The following CNTNAP2 variants were observed in gnomAD, a reference collection of about 807,000 sequenced individuals.
CNTNAP2 encodes contactin associated protein 2.
In CNTNAP2, 98 loss-of-function variants were observed where a neutral mutation model predicts 155.2. The observed-to-expected ratio is 0.63, with a 90% CI of 0.54 to 0.75. CNTNAP2 has a LOEUF of 0.75. Ranked by LOEUF, CNTNAP2 falls within the 30% of genes least tolerant of loss-of-function variation. The probability of loss-of-function intolerance (pLI) is 0.00; values close to 1 mark genes in which losing one functional copy is unlikely to be tolerated. For missense variants in CNTNAP2, 1,727 were observed against 1,688.1 expected, an observed-to-expected ratio of 1.02 and a Z score of -0.40; for synonymous variants, 651 against 631.2, an observed-to-expected ratio of 1.03 and a Z score of -0.47.
intron 1 of CNTNAP2, among the ~76,000 whole-genome samples, chr7:146,546,669 G>A (rs1335012693): frequency 2.6e-5 from 4 of 151,916 alleles, no homozygotes; most frequent in Non-Finnish European, 5.9e-5. Context: ...GGAAAGAGAT[G>A]TAATGGACTC....
chr7:147,384,862 G>A (rs561068857), intron 9 of CNTNAP2, among the ~76,000 whole-genome samples: 9 of 152,118 alleles, frequency 5.9e-5, no homozygotes, highest in African/African-American at 1.9e-4. Flanking sequence ...CTCCTTCAAC[G>A]TTTGTTACTT....
At chr7:146,930,508 T>G (rs551503389) in intron 3 of CNTNAP2, among the ~76,000 whole-genome samples, 37 of 152,206 alleles carry the variant, frequency 2.4e-4, no homozygotes, top group African/African-American at 5.5e-4. Context: ...AGACCATCGA[T>G]GCTAGGAAGA....
chr7:146,933,760 C>T (rs1221435009), intron 3 of CNTNAP2, among the ~76,000 whole-genome samples: 1 of 151,908 alleles, frequency 6.6e-6, no homozygotes, highest in Admixed American at 6.6e-5. Context: ...AACAAACAAC[C>T]CCATCAAAAA....
intron 3 of CNTNAP2, among the ~76,000 whole-genome samples, chr7:146,917,550 A>G (rs533733027): frequency 6.6e-6 from 1 of 152,230 alleles, no homozygotes; most frequent in Admixed American, 6.5e-5. Flanking sequence ...TGCTTTTATC[A>G]TGATATAATG....
At chr7:146,528,825 A>C (rs956546043) in intron 1 of CNTNAP2, among the ~76,000 whole-genome samples, 1 of 152,154 alleles carries the variant, frequency 6.6e-6, no homozygotes, top group Non-Finnish European at 1.5e-5. Flanking sequence ...AGAGAGAGAC[A>C]GTGATATGCA....
At chr7:148,400,434 G>A (rs909925456) in intron 22 of CNTNAP2, among the ~76,000 whole-genome samples, 6 of 152,108 alleles carry the variant, frequency 3.9e-5, no homozygotes, top group Admixed American at 3.9e-4. Context: ...CCCTGCAGCG[G>A]AAAGGAAAAG....
At chr7:147,255,269 T>G (rs1225725819) in intron 8 of CNTNAP2, among the ~76,000 whole-genome samples, 1 of 152,160 alleles carries the variant, frequency 6.6e-6, no homozygotes, top group Non-Finnish European at 1.5e-5. Flanking sequence ...TCCCCAAGGC[T>G]GAAGTGCAGT....
intron 6 of CNTNAP2, among the ~76,000 whole-genome samples, chr7:147,123,812 G>C (rs571803263): frequency 6.6e-6 from 1 of 152,058 alleles, no homozygotes; most frequent in African/African-American, 2.4e-5. Flanking sequence ...AGGCCAAGGC[G>C]GGTGGTTCAC....
intron 13 of CNTNAP2, among the ~76,000 whole-genome samples, chr7:147,818,966 A>G (rs958509097): frequency 1.3e-5 from 2 of 152,126 alleles, no homozygotes; most frequent in Non-Finnish European, 1.5e-5. Flanking sequence ...CAGAACTTCT[A>G]TTTTTGTAGC....
intron 21 of CNTNAP2, among the ~76,000 whole-genome samples, chr7:148,360,810 C>CTTTT (rs1177933137): frequency 7.2e-6 from 1 of 138,582 alleles, no homozygotes; most frequent in African/African-American, 2.6e-5. Flanking sequence ...TCTTTTTTTT[C>CTTTT]TTTTTCTTTT....
chr7:147,537,871 G>A (rs1244501010), intron 11 of CNTNAP2, among the ~76,000 whole-genome samples: 1 of 152,116 alleles, frequency 6.6e-6, no homozygotes, highest in South Asian at 2.1e-4. Context: ...TTTAAGTTTT[G>A]TGCATTTTTC....
intron 16 of CNTNAP2, among the ~76,000 whole-genome samples, chr7:148,140,066 G>A (rs1805029427): frequency 1.3e-5 from 2 of 152,146 alleles, no homozygotes. Context: ...CTGCATTATG[G>A]GTGAAGAATG....
intron 1 of CNTNAP2, among the ~76,000 whole-genome samples, chr7:146,333,653 G>C (rs574399059): frequency 7.2e-5 from 11 of 152,072 alleles, no homozygotes; most frequent in Admixed American, 2.0e-4. Flanking sequence ...TTTTATTTAA[G>C]GCAACAAGTG....
chr7:147,146,058 G>A (rs1801694926), intron 8 of CNTNAP2, among the ~76,000 whole-genome samples: 1 of 152,140 alleles, frequency 6.6e-6, no homozygotes, highest in African/African-American at 2.4e-5. Context: ...TTGACATGAG[G>A]CAGCAGATAA....
chr7:146,248,369 G>C (rs536275706), intron 1 of CNTNAP2, among the ~76,000 whole-genome samples: 1 of 152,244 alleles, frequency 6.6e-6, no homozygotes, highest in East Asian at 1.9e-4. Flanking sequence ...GCCGCTAAGG[G>C]TGAAGGACCA....
At chr7:148,401,957 G>A (rs1469941277) in intron 22 of CNTNAP2, among the ~76,000 whole-genome samples, 3 of 152,146 alleles carry the variant, frequency 2.0e-5, no homozygotes, top group Admixed American at 6.5e-5. Context: ...AGAGTACAAT[G>A]TCAGCCTACT....
At chr7:147,709,367 C>T (rs563136732) in intron 13 of CNTNAP2, among the ~76,000 whole-genome samples, 1 of 152,318 alleles carries the variant, frequency 6.6e-6, no homozygotes, top group East Asian at 1.9e-4. Context: ...AAAACTCTTG[C>T]AATCCTAACT....
intron 2 of CNTNAP2, among the ~76,000 whole-genome samples, chr7:146,788,600 C>T (rs1430287983): frequency 6.6e-6 from 1 of 152,092 alleles, no homozygotes; most frequent in African/African-American, 2.4e-5. Context: ...ATTTATATTC[C>T]CAAACCTTCC....
chr7:146,780,594 T>A (rs1028618817), intron 2 of CNTNAP2, among the ~76,000 whole-genome samples: 3 of 152,122 alleles, frequency 2.0e-5, no homozygotes, highest in Non-Finnish European at 2.9e-5. Flanking sequence ...AGCTTTTTTT[T>A]AACATGTTTG....
Sources: allele counts gnomAD v4.1 joint callset (sites outside exome capture counted in the v4.1 genomes callset), GRCh38; gene constraint gnomAD v4.1.1; transcripts MANE v1.5; gene names NCBI Gene and HGNC (gene_info 2026-07-23, HGNC 2026-07-21).